The following JAM3 variants were observed in gnomAD, a reference collection of about 807,000 sequenced individuals.
The protein encoded by JAM3 is junctional adhesion molecule 3.
In JAM3, 31 loss-of-function variants were observed where a neutral mutation model predicts 39.4. That is an observed-to-expected ratio of 0.79 (90% CI 0.59 to 1.06). JAM3 has a LOEUF of 1.06. JAM3 is among the 50% of genes least tolerant of loss of function. The pLI, the probability that JAM3 is intolerant of heterozygous loss-of-function variation, is 0.00. For synonymous variants in JAM3, 182 were observed against 148.7 expected, an observed-to-expected ratio of 1.22 and a Z score of -1.63; for missense variants, 455 against 391.4, an observed-to-expected ratio of 1.16 and a Z score of -1.37.
rs1326093908 is a variant in JAM3 at position 134,151,344 on chromosome 11, A to G, written c.*2163A>G. 6.6e-6 allele frequency: 1 copy of G among 152,148 alleles called. No individual in the cohort carries two copies. Among genetic ancestry groups the G allele is most frequent in the African/African-American group, 2.4e-5 (1 of 41,428 alleles). 9.4% of individuals were successfully genotyped at this position (152,148 alleles called of 1,614,324 possible). On this transcript the variant is annotated 3_prime_UTR_variant, in exon 9 of 9. Coordinates refer to ENST00000299106, the MANE Select transcript of JAM3 (RefSeq NM_032801.5). ...TGGCATCCTGGATGCTTAGCATGCA[A>G]GTTCCCTCCATCATTGCCACCTTGG...
intron 1 of JAM3, among the ~76,000 whole-genome samples, chr11:134,129,306 T>C (rs1024323025): frequency 1.3e-5 from 2 of 151,898 alleles, no homozygotes; most frequent in African/African-American, 4.8e-5. Context: ...TTAGTAGAGA[T>C]GGGGTTTCAC....
intron 1 of JAM3, among the ~76,000 whole-genome samples, chr11:134,101,488 G>A (rs1942072291): frequency 6.6e-6 from 1 of 152,166 alleles, no homozygotes; most frequent in Non-Finnish European, 1.5e-5. Context: ...GTGAGTCAGG[G>A]TATCTGGAAT....
At chr11:134,101,492 C>T (rs1397012735) in intron 1 of JAM3, among the ~76,000 whole-genome samples, 1 of 152,126 alleles carries the variant, frequency 6.6e-6, no homozygotes, top group Non-Finnish European at 1.5e-5. Context: ...GTCAGGGTAT[C>T]TGGAATCTAA....
At chr11:134,069,732 C>G (rs1440141331) in intron 1 of JAM3, among the ~76,000 whole-genome samples, 1 of 152,154 alleles carries the variant, frequency 6.6e-6, no homozygotes, top group Non-Finnish European at 1.5e-5. Context: ...CCAGAAGGGA[C>G]GGTGAGCGGG....
intron 1 of JAM3, among the ~76,000 whole-genome samples, chr11:134,088,899 C>G (rs1033784985): frequency 6.6e-6 from 1 of 152,230 alleles, no homozygotes; most frequent in Admixed American, 6.5e-5. Context: ...AAGCGATTCT[C>G]CTGCCTCAGC....
chr11:134,127,679 G>A (rs950121462), intron 1 of JAM3, among the ~76,000 whole-genome samples: 6 of 152,204 alleles, frequency 3.9e-5, no homozygotes, highest in Non-Finnish European at 7.3e-5. Flanking sequence ...CAGTCTGAGC[G>A]ACAGAGTGAG....
At chr11:134,127,759 T>A (rs1942678686) in intron 1 of JAM3, among the ~76,000 whole-genome samples, 1 of 152,214 alleles carries the variant, frequency 6.6e-6, no homozygotes, top group Non-Finnish European at 1.5e-5. Context: ...AATATATTTC[T>A]AACAAGTAGG....
At chr11:134,145,020 A>G (rs757819714) in intron 5 of JAM3, 26 bp downstream of exon 5, 1 of 1,555,618 alleles carries the variant, frequency 6.4e-7, no homozygotes, top group Non-Finnish European at 8.9e-7. Context: ...AGAGGTGAGG[A>G]TGGAGATGTC....
chr11:134,081,265 A>G (rs1421804741), intron 1 of JAM3, among the ~76,000 whole-genome samples: 2 of 152,240 alleles, frequency 1.3e-5, no homozygotes, highest in Non-Finnish European at 1.5e-5. Flanking sequence ...AGAAATTTGC[A>G]TAAGTAACAA....
At chr11:134,088,082 G>T (rs1941773948) in intron 1 of JAM3, among the ~76,000 whole-genome samples, 1 of 152,126 alleles carries the variant, frequency 6.6e-6, no homozygotes, top group Admixed American at 6.5e-5. Context: ...TGATGCCCAG[G>T]GATGTTCAAT....
intron 1 of JAM3, among the ~76,000 whole-genome samples, chr11:134,121,012 C>T (rs942089522): frequency 5.9e-5 from 9 of 151,898 alleles, no homozygotes; most frequent in African/African-American, 1.9e-4. Flanking sequence ...GTGCACCAAC[C>T]GCAGATGCTG....
At chr11:134,109,111 C>T (rs1442994833) in intron 1 of JAM3, among the ~76,000 whole-genome samples, 5 of 152,062 alleles carry the variant, frequency 3.3e-5, no homozygotes, top group Admixed American at 2.6e-4. Flanking sequence ...CACGAGCCAC[C>T]ACACCACCCC....
intron 1 of JAM3, among the ~76,000 whole-genome samples, chr11:134,104,547 C>CA (rs541931174): frequency 1.1e-4 from 17 of 151,736 alleles, no homozygotes; most frequent in Non-Finnish European, 2.4e-4. Flanking sequence ...AAAAACCCTT[C>CA]AAAAAAATCA....
At chr11:134,119,840 G>A (rs925333346) in intron 1 of JAM3, among the ~76,000 whole-genome samples, 1 of 152,158 alleles carries the variant, frequency 6.6e-6, no homozygotes, top group African/African-American at 2.4e-5. Context: ...CATGATACTT[G>A]GTTGGGTCTT....
intron 3 of JAM3, among the ~76,000 whole-genome samples, chr11:134,142,443 GTGC>G (rs529874531): frequency 1.8e-3 from 273 of 152,280 alleles, no homozygotes; most frequent in Non-Finnish European, 2.8e-3. Flanking sequence ...ATCTTTTAGT[GTGC>G]TGTTTTTAGT....
At chr11:134,148,433 G>A (rs1259953626) in intron 6 of JAM3, 114 bp from the exon 7 acceptor site, 3 of 1,352,390 alleles carry the variant, frequency 2.2e-6, no homozygotes, top group East Asian at 2.3e-5. Context: ...GTAGGCCTGA[G>A]GGGGCAGGGG....
At chr11:134,108,187 T>G (rs76045481) in intron 1 of JAM3, among the ~76,000 whole-genome samples, 4,760 of 152,010 alleles carry the variant, frequency 0.031, 107 homozygotes, top group Non-Finnish European at 0.049. Flanking sequence ...ATTTCACAAC[T>G]TGGATCAAAT....
intron 1 of JAM3, among the ~76,000 whole-genome samples, chr11:134,094,988 G>C (rs1486443396): frequency 6.6e-6 from 1 of 152,228 alleles, no homozygotes; most frequent in African/African-American, 2.4e-5. Context: ...TATGTTAAAA[G>C]ATATGCTTGG....
At chr11:134,123,979 T>A in intron 1 of JAM3, 2 of 1,514,600 alleles carry the variant, frequency 1.3e-6, no homozygotes, top group Non-Finnish European at 1.8e-6. Context: ...CCATATTCAA[T>A]CAAAGCAAGT....
Sources: gnomAD v4.1 joint callset for allele counts (sites outside exome capture counted in the v4.1 genomes callset) on GRCh38, gnomAD v4.1.1 for gene constraint, MANE v1.5 for transcripts, NCBI Gene and HGNC (gene_info 2026-07-23, HGNC 2026-07-21) for gene names.